TCF25: variants seen among roughly 807,000 people sequenced by gnomAD.
The protein encoded by TCF25 is ribosome quality control complex subunit TCF25.
A neutral mutation model predicts 83.1 loss-of-function variants in TCF25; 41 were observed. The ratio of observed to expected loss-of-function variants is 0.49; its 90% confidence interval spans 0.38 to 0.64. TCF25 has a LOEUF of 0.64. TCF25 is among the 30% of genes least tolerant of loss of function. The probability of loss-of-function intolerance (pLI) is 0.00; values close to 1 mark genes in which losing one functional copy is unlikely to be tolerated. For synonymous variants in TCF25, 458 were observed against 365.0 expected (o/e 1.25, Z -2.90); for missense variants, 979 against 914.5 (o/e 1.07, Z -0.91).
In TCF25 at chr16:89,901,541, C is replaced by G. The variant is rs111541103; in HGVS notation, c.1381+747C>G. Among the ~76,000 whole-genome samples, 128 of 130,872 alleles carry G rather than the reference C, an allele frequency of 9.8e-4. 1 individual carries two copies. Among genetic ancestry groups the G allele is most frequent in the East Asian group, 4.5e-3 (15 of 3,346 alleles). The allele number at this position is 130,872 out of a possible 152,430, so 85.9% of individuals were successfully genotyped here. A position where few individuals can be genotyped will look rare whatever the true frequency, so the allele number is the denominator to read the frequency against. The stretch of plus-strand genomic sequence containing the variant: ...TGGGCGGATCACGAGGTCAGGAGAT[C>G]GAGACCATCCTGACTAACACGGTGA... On this transcript the variant is annotated intron_variant, in intron 12 of 17. Coordinates refer to ENST00000263346, the MANE Select transcript of TCF25 (RefSeq NM_014972.3).
At position 89,911,106 on chromosome 16, in the gene TCF25, TG is replaced by T. The variant is rs2045517267; in HGVS notation, c.1904del (p.Gly635ValfsTer2). 1 of 1,611,130 alleles carries T rather than the reference TG, an allele frequency of 6.2e-7. No homozygotes were observed. The highest frequency in any genetic ancestry group is 1.3e-5 in the African/African-American group (1 of 74,832). ...EGERPEEGVA[G>X]GLNRNQGLNR... ...GGGAGAGGCCCGAGGAAGGAGTGGC[TG>T]GGGGTCTGAACCGCAACCAGGGCCT... On this transcript the variant is annotated frameshift_variant, in exon 18 of 18. Coordinates refer to ENST00000263346, the MANE Select transcript of TCF25 (RefSeq NM_014972.3). LOFTEE classifies it high-confidence loss of function.
intron 15 of TCF25, 41 bp downstream of exon 15, chr16:89,906,325 G>C (rs779012881): frequency 6.3e-7 from 1 of 1,593,632 alleles, no homozygotes; most frequent in South Asian, 1.1e-5. Context: ...GTGTAAGCCG[G>C]TCACATGCAC....
chr16:89,900,033 G>A (rs1038290552), intron 11 of TCF25, among the ~76,000 whole-genome samples: 2 of 152,348 alleles, frequency 1.3e-5, no homozygotes, highest in South Asian at 2.1e-4. Flanking sequence ...AAATGTAGGT[G>A]CAGGGAAACC....
chr16:89,901,108 G>GATCTA, intron 12 of TCF25: 1 of 252,284 alleles, frequency 4.0e-6, no homozygotes, highest in Admixed American at 4.7e-5. Context: ...GGGGAGGAGA[G>GATCTA]CAAAGCAGGG....
chr16:89,893,590 C>T (rs2043595175), intron 6 of TCF25, 138 bp from the exon 7 acceptor site: 1 of 1,359,160 alleles, frequency 7.4e-7, no homozygotes, highest in Non-Finnish European at 1.0e-6. Context: ...GCTGGTGACA[C>T]CCATGAGTAC....
Position 89,885,883 on chromosome 16 carries a change from G to A in TCF25, c.465G>A (p.Glu155=). ...TAGAAGATATCGATCGCATCCTAGAGAGGATTGAGGACAGCACTGGGTTGA... is the reference window on the plus strand; with the variant it reads ...TAGAAGATATCGATCGCATCCTAGAAAGGATTGAGGACAGCACTGGGTTGA... ...NGLEDIDRIL[E]RIEDSTGLNR... Residue 155 remains glutamate, a synonymous_variant, in exon 4 of 18, where the codon GAG becomes GAA. Transcript: ENST00000263346. 6.2e-7 allele frequency: 1 copy of A among 1,614,160 alleles called. No individual in the cohort carries two copies. Among genetic ancestry groups the A allele is most frequent in the Non-Finnish European group, 8.5e-7 (1 of 1,180,004 alleles).
At chr16:89,897,028 CAAA>C (rs764860042) in intron 9 of TCF25, among the ~76,000 whole-genome samples, 7 of 126,920 alleles carry the variant, frequency 5.5e-5, no homozygotes, top group Admixed American at 3.3e-4. Flanking sequence ...CCTTGTCTCT[CAAA>C]AAAAAAAAAA....
At chr16:89,904,573 G>A (rs528926715) in intron 13 of TCF25, 31 of 485,994 alleles carry the variant, frequency 6.4e-5, no homozygotes, top group South Asian at 1.4e-4. Context: ...GTGAGACCCC[G>A]TCTCAAAAAA....
chr16:89,895,242 A>G (rs2043759271), intron 8 of TCF25, 105 bp downstream of exon 8: 1 of 1,060,680 alleles, frequency 9.4e-7, no homozygotes, highest in South Asian at 1.5e-5. Flanking sequence ...GATATCCATG[A>G]CAGCTTTATT....
At chr16:89,881,788 C>T (rs866493301) in intron 1 of TCF25, among the ~76,000 whole-genome samples, 1 of 151,972 alleles carries the variant, frequency 6.6e-6, no homozygotes, top group African/African-American at 2.4e-5. Context: ...GGAATCTCGC[C>T]TTATCACCCA....
chr16:89,883,282 A>G (rs978781255), intron 1 of TCF25, 69 bp from the exon 2 acceptor site: 7 of 1,570,250 alleles, frequency 4.5e-6, no homozygotes, highest in African/African-American at 1.4e-5. Context: ...ACATCTCACT[A>G]TTCATATCTC....
At chr16:89,887,881 T>A (rs1179843820) in intron 5 of TCF25, among the ~76,000 whole-genome samples, 164 bp downstream of exon 5, 1 of 152,164 alleles carries the variant, frequency 6.6e-6, no homozygotes, top group African/African-American at 2.4e-5. Context: ...GTCCACAGAT[T>A]GTCTGTGTAT....
intron 1 of TCF25, among the ~76,000 whole-genome samples, chr16:89,882,549 A>G (rs993588270): frequency 2.0e-5 from 3 of 152,138 alleles, no homozygotes; most frequent in African/African-American, 7.2e-5. Context: ...AAAGAGAGAG[A>G]GAAGGTTTCA....
intron 16 of TCF25, among the ~76,000 whole-genome samples, chr16:89,908,262 GCTCCCTCTTCCCTC>G (rs2045142306): frequency 1.6e-5 from 1 of 61,150 alleles, no homozygotes; most frequent in African/African-American, 8.4e-5. Context: ...CCACCTCCCA[GCTCCCTCTTCCCTC>G]CTCCCAGTTC....
chr16:89,902,842 A>G (rs1177450493), intron 12 of TCF25, among the ~76,000 whole-genome samples: 1 of 152,084 alleles, frequency 6.6e-6, no homozygotes, highest in Non-Finnish European at 1.5e-5. Context: ...GTGACCACTC[A>G]TCGCCTATTA....
At chr16:89,904,249 T>A (rs371508459) in intron 13 of TCF25, 44 bp downstream of exon 13, 8 of 1,547,228 alleles carry the variant, frequency 5.2e-6, no homozygotes, top group Non-Finnish European at 7.0e-6. Context: ...GCCTGTGGGT[T>A]CGGAGCCTGG....
chr16:89,878,735 G>T (rs777854979), intron 1 of TCF25: 74 of 853,640 alleles, frequency 8.7e-5, no homozygotes, highest in Non-Finnish European at 1.1e-4. Flanking sequence ...CTGCCTCCTG[G>T]ATTCACTCCA....
intron 11 of TCF25, 92 bp from the exon 12 acceptor site, chr16:89,900,543 A>C: frequency 1.4e-6 from 2 of 1,423,028 alleles, no homozygotes; most frequent in South Asian, 2.9e-5. Flanking sequence ...TGCTCGGGGT[A>C]GGGCTCACTG....
At chr16:89,888,678 TC>T (rs2043194442) in intron 5 of TCF25, among the ~76,000 whole-genome samples, 1 of 146,262 alleles carries the variant, frequency 6.8e-6, no homozygotes, top group Admixed American at 6.7e-5. Flanking sequence ...TCTCTTTCTT[TC>T]TTTTTTTTTT....
Sources: allele counts gnomAD v4.1 joint callset (sites outside exome capture counted in the v4.1 genomes callset), GRCh38; gene constraint gnomAD v4.1.1; transcripts MANE v1.5; gene names NCBI Gene and HGNC (gene_info 2026-07-23, HGNC 2026-07-21).